Variants in PPP2R5C observed in about 807,000 individuals in gnomAD.
PPP2R5C encodes the protein protein phosphatase 2 regulatory subunit B'gamma.
In PPP2R5C, 7 loss-of-function variants were observed where a neutral mutation model predicts 68.9. That is an observed-to-expected ratio of 0.10 (90% CI 0.06 to 0.19). The LOEUF (loss-of-function observed/expected upper bound fraction) is 0.19. PPP2R5C is among the 10% of genes least tolerant of loss of function. PPP2R5C has a pLI of 1.00. For synonymous variants in PPP2R5C, 210 were observed against 222.2 expected (o/e 0.95, Z 0.49); for missense variants, 348 against 641.3 (o/e 0.54, Z 4.94).
At position 101,917,868 on chromosome 14, in the gene PPP2R5C, C is replaced by T. The variant is rs76242042; in HGVS notation, c.1364C>T (p.Pro455Leu). Residue 455 changes from proline (P) to leucine (L), a missense_variant, in exon 13 of 14, where the codon CCG (proline) becomes CTG (leucine). Transcript: ENST00000334743. The surrounding 1 kb of genome is among the most constrained non-coding windows in gnomAD (Gnocchi z 4.4). ...AGTCAAGCCAGCACCATGAGCATTC[C>T]GGTTGCAATGGAGACAGATGGGCCT... 17 of 1,613,720 alleles carry T rather than the reference C, an allele frequency of 1.1e-5. No individual in the cohort carries two copies. The highest frequency in any genetic ancestry group is 1.7e-5 in the Admixed American group (1 of 59,992).
At chr14:101,867,543 C>T (rs1416069379) in intron 2 of PPP2R5C, among the ~76,000 whole-genome samples, 1 of 152,114 alleles carries the variant, frequency 6.6e-6, no homozygotes, top group East Asian at 1.9e-4. Flanking sequence ...TTTGGGAAGC[C>T]GAGGCAGGTG....
At chr14:101,834,012 T>C (rs2040929248) in intron 1 of PPP2R5C, among the ~76,000 whole-genome samples, 1 of 152,200 alleles carries the variant, frequency 6.6e-6, no homozygotes, top group Non-Finnish European at 1.5e-5. Context: ...TTCACCGTGT[T>C]GGCCAGGCTG....
intron 13 of PPP2R5C, among the ~76,000 whole-genome samples, chr14:101,924,784 A>G (rs1389981918): frequency 6.6e-6 from 1 of 152,134 alleles, no homozygotes; most frequent in Non-Finnish European, 1.5e-5. Context: ...GGACATGCCC[A>G]TGAAATGGCT....
chr14:101,760,889 G>A (rs1390437725), upstream of PPP2R5C, among the ~76,000 whole-genome samples: 3 of 94,428 alleles, frequency 3.2e-5, no homozygotes, highest in African/African-American at 1.4e-4. Flanking sequence ...GTCGAGGAGA[G>A]GGGTTGGTCG....
At chr14:101,801,656 A>T (rs1296106649) in intron 3 of PPP2R5C, among the ~76,000 whole-genome samples, 1 of 152,250 alleles carries the variant, frequency 6.6e-6, no homozygotes, top group Non-Finnish European at 1.5e-5. Context: ...TGCACACTGC[A>T]AACTATGAAA....
chr14:101,832,459 C>A (rs916117265), intron 1 of PPP2R5C, among the ~76,000 whole-genome samples: 5 of 152,126 alleles, frequency 3.3e-5, no homozygotes, highest in African/African-American at 1.2e-4. Context: ...AAGCAAAATA[C>A]CAAGTAAATA....
intron 1 of PPP2R5C, chr14:101,818,328 A>T (rs2039841413): frequency 6.6e-6 from 1 of 152,156 alleles, no homozygotes; most frequent in South Asian, 2.1e-4. Flanking sequence ...CACATTCATA[A>T]GAAATTTCAT....
In PPP2R5C at chr14:101,918,704, C is replaced by T. The variant is rs114293748; in HGVS notation, c.1443+757C>T. Among the ~76,000 whole-genome samples the T allele has an allele frequency of 2.7e-3, 304 of 112,812 alleles. 4 individuals are homozygous for T. The highest frequency in any genetic ancestry group is 0.01 in the African/African-American group (288 of 27,918). The allele number at this position is 112,812 out of a possible 152,430, so 74.0% of individuals were successfully genotyped here. On this transcript the variant is annotated intron_variant, in intron 13 of 13. Transcript: ENST00000334743. ...CTTTCAGTGCTTTGGTCACAGGCCA[C>T]CTCCAAAGAGAGCCTCCGACCACTG... is the stretch of plus-strand genomic sequence containing the variant.
In PPP2R5C at chr14:101,906,548, C is replaced by A; in HGVS notation, c.1151+19C>A. Reference sequence around the variant, plus strand: ...GGAACAAGTAAGAAAGAACTGGCTGCCATCTTTTTCAGTCATTTTAAAATA... The same window carrying A: ...GGAACAAGTAAGAAAGAACTGGCTGACATCTTTTTCAGTCATTTTAAAATA... On this transcript the variant is annotated intron_variant, in intron 10 of 13. Transcript: ENST00000334743. The surrounding 1 kb of genome is among the most constrained non-coding windows in gnomAD (Gnocchi z 4.0). 6.3e-7 allele frequency: 1 copy of A among 1,583,198 alleles called. No individual in the cohort carries two copies. Among genetic ancestry groups the A allele is most frequent in the Non-Finnish European group, 8.6e-7 (1 of 1,168,104 alleles).
At chr14:101,859,212 T>C (rs534325527) in intron 2 of PPP2R5C, among the ~76,000 whole-genome samples, 1 of 152,350 alleles carries the variant, frequency 6.6e-6, no homozygotes, top group African/African-American at 2.4e-5. Context: ...GCTTTCATTT[T>C]CACGTGGGAG....
chr14:101,838,007 T>C (rs967522577), intron 1 of PPP2R5C, among the ~76,000 whole-genome samples: 2 of 151,900 alleles, frequency 1.3e-5, no homozygotes, highest in African/African-American at 2.4e-5. Flanking sequence ...AATGAAAAAA[T>C]GAGATAAGGT....
At chr14:101,761,412 G>T (rs1201973490), upstream of PPP2R5C, among the ~76,000 whole-genome samples, 1 of 151,706 alleles carries the variant, frequency 6.6e-6, no homozygotes, top group Non-Finnish European at 1.5e-5. Context: ...GGTCAGCCCC[G>T]CGCCAGGAGG....
chr14:101,927,557 G>A (rs1193910836), exon 14 of PPP2R5C: 1 of 152,598 alleles, frequency 6.6e-6, no homozygotes, highest in East Asian at 1.9e-4. Flanking sequence ...TTTCCAAAAT[G>A]TATCTGTACA....
At chr14:101,826,334 G>T (rs1172093475) in intron 1 of PPP2R5C, among the ~76,000 whole-genome samples, 1 of 152,006 alleles carries the variant, frequency 6.6e-6, no homozygotes, top group Non-Finnish European at 1.5e-5. Context: ...GTGAGGTAAG[G>T]GTCCAACTTC....
intron 2 of PPP2R5C, among the ~76,000 whole-genome samples, chr14:101,777,998 G>A (rs906815223): frequency 3.9e-5 from 6 of 152,090 alleles, no homozygotes; most frequent in South Asian, 2.1e-4. Flanking sequence ...TTGAACTTAC[G>A]GGCTTAAGCA....
At chr14:101,784,696 CAG>C (rs1484086365) in intron 2 of PPP2R5C, among the ~76,000 whole-genome samples, 1 of 152,204 alleles carries the variant, frequency 6.6e-6, no homozygotes, top group East Asian at 1.9e-4. Flanking sequence ...CAAACTGTCT[CAG>C]AGAGTGACAG....
chr14:101,771,862 C>T (rs2139975794), intron 2 of PPP2R5C, among the ~76,000 whole-genome samples: 1 of 152,064 alleles, frequency 6.6e-6, no homozygotes, highest in Middle Eastern at 3.4e-3. Context: ...AGGGGTTAGA[C>T]CTGCCCTGGC....
In PPP2R5C at chr14:101,843,966, C is replaced by T. The variant is rs567370296; in HGVS notation, c.95-12720C>T. 4 of 158,540 alleles carry T rather than the reference C, an allele frequency of 2.5e-5. No homozygotes were observed. The East Asian group carries it at 5.7e-4, about 23-fold the overall frequency. 9.8% of individuals were successfully genotyped at this position (158,540 alleles called of 1,614,324 possible). On this transcript the variant is annotated intron_variant, in intron 1 of 13. Coordinates refer to ENST00000334743, the Ensembl canonical transcript of PPP2R5C. ...AGCCCAAGGGAAGCCCTTGGCTGTA[C>T]AGATGTTTTCAAAGCCATCAGTGTT...
upstream of PPP2R5C, among the ~76,000 whole-genome samples, chr14:101,806,773 C>A (rs2140165860): frequency 1.3e-5 from 2 of 151,844 alleles, no homozygotes; most frequent in South Asian, 4.2e-4. Context: ...CTATTCTGGG[C>A]AACATAGTAG....
Sources: gnomAD v4.1 joint callset for allele counts (sites outside exome capture counted in the v4.1 genomes callset) on GRCh38, gnomAD v4.1.1 for gene constraint, Gnocchi (gnomAD v3.1) non-coding constraint, MANE v1.5 for transcripts, NCBI Gene and HGNC (gene_info 2026-07-23, HGNC 2026-07-21) for gene names.